ANXA4: variants seen among roughly 807,000 people sequenced by gnomAD.
The protein encoded by ANXA4 is 35-beta calcimedin.
A neutral mutation model predicts 49.8 loss-of-function variants in ANXA4; 39 were observed. The ratio of observed to expected loss-of-function variants is 0.78; its 90% CI spans 0.61 to 1.02. The LOEUF is 1.02. Among genes scored for constraint, ANXA4 ranks in the 50% least tolerant of loss-of-function variants. The pLI is 0.00. For synonymous variants in ANXA4, 134 were observed against 152.5 expected (o/e 0.88, Z 0.89); for missense variants, 360 against 410.1 (o/e 0.88, Z 1.05).
intron 2 of ANXA4, among the ~76,000 whole-genome samples, chr2:69,786,268 C>CT (rs1158098612): frequency 1.5e-4 from 23 of 152,160 alleles, no homozygotes; most frequent in Non-Finnish European, 3.2e-4. Flanking sequence ...CACGTCAGTC[C>CT]ATCAGCAAGT....
chr2:69,675,801 A>G (rs1302824955), intron 2 of ANXA4, among the ~76,000 whole-genome samples: 1 of 152,132 alleles, frequency 6.6e-6, no homozygotes, highest in Non-Finnish European at 1.5e-5. Flanking sequence ...AGGCGGGCAG[A>G]TCACGAGGTC....
chr2:69,784,777 T>C (rs1399276209), intron 2 of ANXA4, among the ~76,000 whole-genome samples: 1 of 152,236 alleles, frequency 6.6e-6, no homozygotes, highest in Non-Finnish European at 1.5e-5. Context: ...TCCTAGCTTC[T>C]GGGGGTTTGC....
chr2:69,689,269 A>G (rs78365331), intron 2 of ANXA4, among the ~76,000 whole-genome samples: 22,135 of 151,752 alleles, frequency 0.15, 2,280 homozygotes, highest in East Asian at 0.37. Context: ...TTTTATTTTT[A>G]TAGAGAGAGG....
chr2:69,729,059 G>T (rs1352916054), intron 3 of ANXA4, among the ~76,000 whole-genome samples: 1 of 152,068 alleles, frequency 6.6e-6, no homozygotes, highest in Non-Finnish European at 1.5e-5. Flanking sequence ...TGTCGCCCAG[G>T]CTGGAGTGCA....
At chr2:69,802,557 A>T (rs377700837) in intron 3 of ANXA4, among the ~76,000 whole-genome samples, 16 of 152,096 alleles carry the variant, frequency 1.1e-4, no homozygotes, top group African/African-American at 3.9e-4. Flanking sequence ...CTAAAAACAC[A>T]AAAATTAGCT....
intron 2 of ANXA4, among the ~76,000 whole-genome samples, chr2:69,706,006 T>C (rs912547776): frequency 1.3e-5 from 2 of 151,946 alleles, no homozygotes; most frequent in Admixed American, 1.3e-4. Flanking sequence ...TAATTAAAAT[T>C]TTTTATTAAA....
At position 69,650,868 on chromosome 2, in the gene ANXA4, G is replaced by GT. The variant is rs367679779; in HGVS notation, n.482-2124dup. On this transcript the variant is annotated intron_variant and non_coding_transcript_variant, in intron 1 of 3. Coordinates refer to the ANXA4 transcript ENST00000418066. Reference sequence around the variant, plus strand: ...TTTCATTTTGTTAGGTAGGAATGGTGTTTTTTGTTGTCATTGTTTAAATTA... The same window carrying GT: ...TTTCATTTTGTTAGGTAGGAATGGTGTTTTTTTGTTGTCATTGTTTAAATTA... Among the ~76,000 whole-genome samples the GT allele has an allele frequency of 2.6e-3, 399 of 152,254 alleles. 5 individuals carry two copies. Among genetic ancestry groups the GT allele is most frequent in the African/African-American group, 9.2e-3 (384 of 41,532 alleles).
intron 2 of ANXA4, among the ~76,000 whole-genome samples, chr2:69,667,771 T>C (rs1050464708): frequency 6.6e-6 from 1 of 152,256 alleles, no homozygotes; most frequent in Non-Finnish European, 1.5e-5. Flanking sequence ...CCATGGCAGC[T>C]GAGCCATTCT....
intron 1 of ANXA4, among the ~76,000 whole-genome samples, chr2:69,745,963 T>A (rs1020239069): frequency 1.3e-5 from 2 of 152,126 alleles, no homozygotes; most frequent in African/African-American, 4.8e-5. Context: ...CTAGGTAATG[T>A]GGTAAATGCT....
intron 2 of ANXA4, among the ~76,000 whole-genome samples, chr2:69,712,645 C>G (rs1421558039): frequency 1.3e-5 from 2 of 152,190 alleles, no homozygotes; most frequent in Non-Finnish European, 2.9e-5. Flanking sequence ...GTTATCCTGT[C>G]ATTTCTACCC....
chr2:69,701,706 A>G (rs980693423), intron 2 of ANXA4, among the ~76,000 whole-genome samples: 39 of 152,196 alleles, frequency 2.6e-4, no homozygotes, highest in Admixed American at 1.9e-3. Flanking sequence ...CCTGCTTACT[A>G]TCCAGCCTCT....
intron 1 of ANXA4, among the ~76,000 whole-genome samples, chr2:69,748,428 A>G (rs1670707008): frequency 6.6e-6 from 1 of 151,466 alleles, no homozygotes. Context: ...CATGCGGAAA[A>G]TACATATATT....
At chr2:69,711,655 G>A (rs1379782715) in intron 2 of ANXA4, among the ~76,000 whole-genome samples, 1 of 152,180 alleles carries the variant, frequency 6.6e-6, no homozygotes, top group Admixed American at 6.5e-5. Context: ...TGAGTTTGTA[G>A]TATGTACATT....
intron 2 of ANXA4, among the ~76,000 whole-genome samples, chr2:69,709,575 A>G (rs112457321): frequency 5.9e-5 from 9 of 152,182 alleles, no homozygotes; most frequent in African/African-American, 2.2e-4. Flanking sequence ...ACGTAACATC[A>G]AGAACTTTTG....
chr2:69,815,979 C>G, intron 8 of ANXA4, 122 bp from the exon 9 acceptor site: 2 of 743,950 alleles, frequency 2.7e-6, no homozygotes, highest in Non-Finnish European at 4.6e-6. Context: ...ACTACCATTT[C>G]CAACCCCATC....
Position 69,825,558 on chromosome 2 carries a change from A to T in ANXA4, c.*43A>T. 1.3e-6 allele frequency: 2 copies of T among 1,505,176 alleles called. No homozygotes were observed. Among genetic ancestry groups the T allele is most frequent in the Non-Finnish European group, 1.8e-6 (2 of 1,099,828 alleles). The allele number at this position is 1,505,176 out of a possible 1,614,324, so 93.2% of individuals were successfully genotyped here. A position where few individuals can be genotyped will look rare whatever the true frequency, so the allele number is the denominator to read the frequency against. The stretch of plus-strand genomic sequence containing the variant: ...GACAGGAGGATTCTCAACACTTTGA[A>T]TTTTTTTAACTTCATTTTTCTACAC... On this transcript the variant is annotated 3_prime_UTR_variant, in exon 13 of 13. Coordinates refer to ENST00000394295, the MANE Select transcript of ANXA4 (RefSeq NM_001153.5).
chr2:69,691,310 GA>G (rs1196811314), intron 2 of ANXA4, among the ~76,000 whole-genome samples: 1 of 151,800 alleles, frequency 6.6e-6, no homozygotes, highest in African/African-American at 2.4e-5. Context: ...TTTTAGTAGA[GA>G]CGGGGTTTCA....
At chr2:69,785,245 T>C (rs1672366706) in intron 2 of ANXA4, among the ~76,000 whole-genome samples, 1 of 152,208 alleles carries the variant, frequency 6.6e-6, no homozygotes, top group Admixed American at 6.5e-5. Context: ...TGGGCCACTA[T>C]GGGCCTGAGA....
At chr2:69,646,819 G>A (rs549308152) in intron 1 of ANXA4, among the ~76,000 whole-genome samples, 91 of 152,254 alleles carry the variant, frequency 6.0e-4, no homozygotes, top group African/African-American at 2.0e-3. Flanking sequence ...ACCACTAGAT[G>A]CTGACTAACT....
Sources: allele counts gnomAD v4.1 joint callset (sites outside exome capture counted in the v4.1 genomes callset), GRCh38; gene constraint gnomAD v4.1.1; transcripts MANE v1.5; gene names NCBI Gene and HGNC (gene_info 2026-07-23, HGNC 2026-07-21).